MYH7B: variants seen among roughly 807,000 people sequenced by gnomAD.
The protein encoded by MYH7B is myosin heavy chain 7B.
In MYH7B, 205 loss-of-function variants were observed where a neutral mutation model predicts 234.5. That is an observed-to-expected ratio of 0.87 (90% CI 0.78 to 0.98). MYH7B has a LOEUF of 0.98. Ranked by LOEUF, MYH7B falls within the 50% of genes least tolerant of loss-of-function variation. MYH7B has a pLI of 0.00. For synonymous variants in MYH7B, 1,193 were observed against 1,105.0 expected, an observed-to-expected ratio of 1.08 and a Z score of -1.58; for missense variants, 2,652 against 2,633.4, an observed-to-expected ratio of 1.01 and a Z score of -0.15.
At chr20:34,967,313 A>G (rs1188832441) in intron 2 of MYH7B, among the ~76,000 whole-genome samples, 2 of 152,126 alleles carry the variant, frequency 1.3e-5, no homozygotes, top group East Asian at 3.8e-4. Flanking sequence ...AGCCCATGGA[A>G]AAAAAATCTG....
Position 34,982,560 on chromosome 20 carries a change from G to A in MYH7B, c.624+5G>A. On this transcript the variant is annotated splice_donor_5th_base_variant and intron_variant, in intron 10 of 44. Transcript: ENST00000262873. Reference sequence around the variant, plus strand: ...GACGGGCCGGGCAAGAAGGCCGTAAGACTTGCCCACTCGGGCATGCTCCCC... The same window carrying A: ...GACGGGCCGGGCAAGAAGGCCGTAAAACTTGCCCACTCGGGCATGCTCCCC... The A allele has an allele frequency of 6.3e-7, 1 of 1,585,802 alleles. No individual in the cohort carries two copies. The highest frequency in any genetic ancestry group is 8.6e-7 in the Non-Finnish European group (1 of 1,162,088).
chr20:34,975,083 T>C (rs1386128547), intron 2 of MYH7B, among the ~76,000 whole-genome samples: 2 of 152,270 alleles, frequency 1.3e-5, no homozygotes, highest in African/African-American at 2.4e-5. Flanking sequence ...TATTATATTG[T>C]GGATCAAGCA....
intron 14 of MYH7B, among the ~76,000 whole-genome samples, chr20:34,986,463 C>G (rs1447493916): frequency 6.6e-6 from 1 of 152,236 alleles, no homozygotes; most frequent in Non-Finnish European, 1.5e-5. Context: ...GAGGTCCCAC[C>G]CAGCACCAAG....
chr20:34,999,425 A>G lies in MYH7B; in HGVS notation c.4540+20A>G. 1.3e-6 allele frequency: 2 copies of G among 1,510,604 alleles called. No homozygotes were observed. The highest frequency in any genetic ancestry group is 1.8e-6 in the Non-Finnish European group (2 of 1,130,410). The allele number at this position is 1,510,604 out of a possible 1,614,324, so 93.6% of individuals were successfully genotyped here. On this transcript the variant is annotated intron_variant, in intron 36 of 44. Coordinates refer to ENST00000262873, the Ensembl canonical transcript of MYH7B. Reference sequence around the variant, plus strand: ...TGCAGGGTAGGACCTGCCACACGCCAGGGCCAGGGTGCTGCCCTGGGGTCG... The same window carrying G: ...TGCAGGGTAGGACCTGCCACACGCCGGGGCCAGGGTGCTGCCCTGGGGTCG...
chr20:34,995,430 G>A lies in MYH7B; in HGVS notation c.2795G>A (p.Arg932Gln), dbSNP rs772131421. 5.0e-5 allele frequency: 80 copies of A among 1,613,710 alleles called. No individual in the cohort carries two copies. The highest frequency in any genetic ancestry group is 4.3e-4 in the Admixed American group (26 of 59,968). The change falls in exon 28 of 45, where the codon CGG becomes CAG. Residue 932 changes from arginine to glutamine, a missense_variant. Physicochemically the swap from Arg to Gln is conservative, Grantham distance 43. Around this residue, in one of 3 missense-constraint regions of MYH7B, gnomAD observed 2,279 missense variants for 2,211.4 expected, o/e 1.03. Transcript: ENST00000262873. ...GGGAAGGTGAAGGAGCTGAGTGAGC[G>A]GCTGGAGGATGAGGAGGAGGTGAAC... is the stretch of plus-strand genomic sequence containing the variant.
At chr20:34,982,734 C>T (rs2147181581) in intron 10 of MYH7B, among the ~76,000 whole-genome samples, 179 bp downstream of exon 10, 1 of 152,250 alleles carries the variant, frequency 6.6e-6, no homozygotes, top group East Asian at 1.9e-4. Context: ...ACCACAAAGG[C>T]TGTGGCCACC....
chr20:34,999,156 G>A (rs1240164373), exon 36 of MYH7B: 1 of 1,613,546 alleles, frequency 6.2e-7, no homozygotes, highest in African/African-American at 1.3e-5. Flanking sequence ...GCTACAGACA[G>A]AGTCAGAGGA....
Position 34,979,823 on chromosome 20 carries a change from C to T in MYH7B, c.342+19C>T, listed in dbSNP as rs1172521799. 2 of 1,609,722 alleles carry T rather than the reference C, an allele frequency of 1.2e-6. No individual in the cohort carries two copies. Among genetic ancestry groups the T allele is most frequent in the Non-Finnish European group, 1.7e-6 (2 of 1,178,274 alleles). On this transcript the variant is annotated intron_variant, in intron 7 of 44. Coordinates refer to ENST00000262873, the Ensembl canonical transcript of MYH7B. ...GATCTATGTGAGCCCCAGGCCCGGG[C>T]CATGGGCGGGGTGGGGCTTGTATGT...
chr20:34,956,368 AC>A (rs1569022068), intron 1 of MYH7B, among the ~76,000 whole-genome samples: 1 of 151,970 alleles, frequency 6.6e-6, no homozygotes, highest in African/African-American at 2.4e-5. Flanking sequence ...TGTTTCTCAG[AC>A]TCTCTTGTAC....
chr20:34,998,981 G>C, intron 35 of MYH7B, 66 bp downstream of exon 35: 2 of 1,583,942 alleles, frequency 1.3e-6, no homozygotes, highest in Non-Finnish European at 1.7e-6. Flanking sequence ...GCCCCGCTGA[G>C]GGTGGGTGAA....
chr20:34,972,832 A>G (rs989566612), intron 2 of MYH7B, among the ~76,000 whole-genome samples: 3 of 152,096 alleles, frequency 2.0e-5, no homozygotes, highest in Non-Finnish European at 2.9e-5. Flanking sequence ...GGGTCTTGCT[A>G]TATCAGCCTA....
intron 2 of MYH7B, among the ~76,000 whole-genome samples, chr20:34,965,008 G>A (rs934254310): frequency 6.6e-6 from 1 of 152,088 alleles, no homozygotes; most frequent in Non-Finnish European, 1.5e-5. Context: ...TTAAAAATAG[G>A]TATTATCTCA....
chr20:34,965,422 G>A (rs369202279), intron 2 of MYH7B, among the ~76,000 whole-genome samples: 10 of 152,248 alleles, frequency 6.6e-5, no homozygotes, highest in Admixed American at 3.3e-4. Context: ...GGAGCAGAGC[G>A]AGAGGCCGCT....
chr20:34,978,356 G>A (rs2081890032), intron 5 of MYH7B, among the ~76,000 whole-genome samples: 1 of 152,174 alleles, frequency 6.6e-6, no homozygotes, highest in African/African-American at 2.4e-5. Flanking sequence ...CGGAGCTGCA[G>A]TTTATGAAGA....
Position 34,987,808 on chromosome 20 carries a change from G to A in MYH7B, c.1310G>A (p.Arg437Gln), listed in dbSNP as rs760604118. The change falls in exon 18 of 45, where the codon CGG (arginine) becomes CAG (glutamine). Residue 437 changes from arginine (R) to glutamine (Q), a missense_variant. By Grantham distance (43) the Arg-to-Gln change is conservative. Transcript: ENST00000262873. The stretch of plus-strand genomic sequence containing the variant: ...GCTCTGGCCAAGGCCACCTATGACC[G>A]GCTGTTCAGGTGGCTGGTGTCTCGG... 27 of 1,613,984 alleles carry A rather than the reference G, an allele frequency of 1.7e-5. No homozygotes were observed. Among genetic ancestry groups the A allele is most frequent in the Admixed American group, 6.7e-5 (4 of 60,004 alleles).
exon 36 of MYH7B, chr20:34,999,309 C>A: frequency 1.3e-6 from 2 of 1,580,736 alleles, no homozygotes; most frequent in Non-Finnish European, 8.6e-7. Flanking sequence ...GAGGGAGTCC[C>A]GTGGCCTGGG....
chr20:34,998,316 C>G, exon 33 of MYH7B: 1 of 1,613,950 alleles, frequency 6.2e-7, no homozygotes, highest in South Asian at 1.1e-5. Context: ...GAAGCTGTGC[C>G]GGACCTATGA....
rs776834042 is a variant in MYH7B, at chr20:34,986,925, T to C, written c.944T>C (p.Phe315Ser). The change falls in exon 15 of 45, where the codon TTC (phenylalanine) becomes TCC (serine). Residue 315 changes from phenylalanine to serine, a missense_variant. Transcript: ENST00000262873. ...TCTATGAACCCCTATGACTACCACT[T>C]CTGCAGCCAGGGCGTCATCACCGTG... 3 of 1,614,060 alleles carry C rather than the reference T, an allele frequency of 1.9e-6. No homozygotes were observed. In the East Asian group the frequency reaches 6.7e-5, roughly 36 times the overall value.
At chr20:34,990,923 G>A (rs750442325) in intron 23 of MYH7B, 81 bp from the exon 24 acceptor site, 12 of 1,560,164 alleles carry the variant, frequency 7.7e-6, no homozygotes, top group Admixed American at 5.1e-5. Context: ...CCCTCACCTC[G>A]CAGGGTCTCC....
Sources: gnomAD v4.1 joint callset for allele counts (sites outside exome capture counted in the v4.1 genomes callset) on GRCh38, gnomAD v4.1.1 for gene constraint, gnomAD v4.1.1 regional missense constraint, MANE v1.5 for transcripts, NCBI Gene and HGNC (gene_info 2026-07-23, HGNC 2026-07-21) for gene names.